CNTN5: variants seen among roughly 807,000 people sequenced by gnomAD.
CNTN5 encodes the protein contactin 5.
CNTN5 carries 77 observed loss-of-function variants against 129.1 expected under a neutral mutation model. The observed-to-expected ratio is 0.60, with a 90% CI of 0.50 to 0.72. The LOEUF is 0.72. Among genes scored for constraint, CNTN5 ranks in the 30% least tolerant of loss-of-function variants. The probability of loss-of-function intolerance (pLI) is 0.00; values close to 1 mark genes in which losing one functional copy is unlikely to be tolerated. For synonymous variants in CNTN5, 509 were observed against 465.6 expected (o/e 1.09, Z -1.20); for missense variants, 1,478 against 1,328.8 (o/e 1.11, Z -1.75).
intron 6 of CNTN5, among the ~76,000 whole-genome samples, chr11:99,864,375 A>G (rs1948298696): frequency 6.6e-6 from 1 of 151,018 alleles, no homozygotes; most frequent in South Asian, 2.1e-4. Flanking sequence ...CCTGCCACTC[A>G]CTCTCTGCTA....
At chr11:99,370,406 T>G (rs749275372) in intron 2 of CNTN5, among the ~76,000 whole-genome samples, 1 of 152,206 alleles carries the variant, frequency 6.6e-6, no homozygotes, top group East Asian at 1.9e-4. Context: ...ATTGCTGAAA[T>G]TATTCACATA....
chr11:100,292,794 G>A (rs1028788383), intron 18 of CNTN5, among the ~76,000 whole-genome samples: 3 of 151,934 alleles, frequency 2.0e-5, no homozygotes, highest in Admixed American at 6.6e-5. Flanking sequence ...TCCCTAATTC[G>A]TAGCGAGACT....
At chr11:100,193,774 G>A (rs1268947357) in intron 15 of CNTN5, 111 bp downstream of exon 15, 9 of 803,666 alleles carry the variant, frequency 1.1e-5, no homozygotes, top group South Asian at 5.6e-5. Context: ...ACAGAACATC[G>A]ACTTGATAAA....
chr11:99,409,585 A>G (rs550532541), intron 2 of CNTN5, among the ~76,000 whole-genome samples: 1 of 152,380 alleles, frequency 6.6e-6, no homozygotes, highest in Non-Finnish European at 1.5e-5. Context: ...TCATGAATTA[A>G]TACGTTGGTG....
At chr11:99,491,693 A>T (rs1021586038) in intron 2 of CNTN5, among the ~76,000 whole-genome samples, 1 of 152,182 alleles carries the variant, frequency 6.6e-6, no homozygotes, top group Non-Finnish European at 1.5e-5. Flanking sequence ...AGGCTTTACC[A>T]GGCCAGTTAT....
chr11:99,488,045 A>G (rs1424479140), intron 2 of CNTN5, among the ~76,000 whole-genome samples: 2 of 152,098 alleles, frequency 1.3e-5, no homozygotes, highest in Non-Finnish European at 2.9e-5. Flanking sequence ...TATCATGAAC[A>G]ATTTCCAAAT....
At chr11:99,838,357 A>C (rs1947370650) in intron 4 of CNTN5, among the ~76,000 whole-genome samples, 1 of 151,736 alleles carries the variant, frequency 6.6e-6, no homozygotes, top group Non-Finnish European at 1.5e-5. Flanking sequence ...CTCCAGTATC[A>C]CTCTTTGTAA....
At chr11:100,228,486 C>G (rs997749684) in intron 16 of CNTN5, among the ~76,000 whole-genome samples, 1 of 152,192 alleles carries the variant, frequency 6.6e-6, no homozygotes, top group African/African-American at 2.4e-5. Flanking sequence ...CCAATCAATT[C>G]AGTTCCATTT....
intron 13 of CNTN5, among the ~76,000 whole-genome samples, chr11:100,083,246 G>A (rs1162754377): frequency 1.3e-5 from 2 of 151,602 alleles, no homozygotes; most frequent in African/African-American, 4.8e-5. Context: ...GAACCCAGGA[G>A]GCAGAGGTTG....
chr11:100,154,345 TATCA>T (rs112886403), intron 13 of CNTN5, among the ~76,000 whole-genome samples: 93,460 of 151,350 alleles, frequency 0.62, 29,826 homozygotes, highest in African/African-American at 0.78. Flanking sequence ...TTATCCAGTC[TATCA>T]ATCATTGATG....
chr11:99,971,553 A>G (rs907581702), intron 8 of CNTN5, among the ~76,000 whole-genome samples: 2 of 151,594 alleles, frequency 1.3e-5, no homozygotes, highest in African/African-American at 4.9e-5. Context: ...CACATTAAAA[A>G]CAAAAAACAA....
chr11:99,372,106 G>T (rs1198458437), intron 2 of CNTN5, among the ~76,000 whole-genome samples: 2 of 152,204 alleles, frequency 1.3e-5, no homozygotes, highest in Non-Finnish European at 2.9e-5. Context: ...AGCCTTCCAT[G>T]CTTATGAAAA....
At chr11:100,109,858 T>C (rs1945585899) in intron 13 of CNTN5, among the ~76,000 whole-genome samples, 1 of 152,176 alleles carries the variant, frequency 6.6e-6, no homozygotes, top group Admixed American at 6.5e-5. Flanking sequence ...AGCTCACTCA[T>C]TTCTACATTC....
intron 1 of CNTN5, among the ~76,000 whole-genome samples, chr11:99,237,514 C>G (rs1358657076): frequency 6.6e-6 from 1 of 152,068 alleles, no homozygotes; most frequent in African/African-American, 2.4e-5. Flanking sequence ...AACCCTGTCT[C>G]TACTAAAATA....
chr11:99,515,961 A>AC (rs1565250368), intron 2 of CNTN5, among the ~76,000 whole-genome samples: 1 of 131,174 alleles, frequency 7.6e-6, no homozygotes. Context: ...AAAAAAAAAA[A>AC]CAAAATCATA....
chr11:99,835,866 A>T (rs1484057668), intron 4 of CNTN5, among the ~76,000 whole-genome samples: 3 of 152,150 alleles, frequency 2.0e-5, no homozygotes, highest in African/African-American at 7.2e-5. Context: ...TGAACTAGAG[A>T]AGATGGTTTA....
At chr11:99,597,130 T>C (rs917430463) in intron 3 of CNTN5, among the ~76,000 whole-genome samples, 5 of 152,154 alleles carry the variant, frequency 3.3e-5, no homozygotes, top group Admixed American at 2.6e-4. Flanking sequence ...CTCCTACTGT[T>C]GTAAGAGGAT....
intron 1 of CNTN5, among the ~76,000 whole-genome samples, chr11:99,258,623 G>A (rs1343193879): frequency 1.3e-5 from 2 of 151,932 alleles, no homozygotes; most frequent in South Asian, 2.1e-4. Flanking sequence ...TTCAGCTTCA[G>A]AGATTTTAAC....
chr11:99,938,067 C>G (rs12279780), intron 7 of CNTN5, among the ~76,000 whole-genome samples: 11,915 of 152,168 alleles, frequency 0.078, 499 homozygotes, highest in Middle Eastern at 0.088. Flanking sequence ...TATATATTCT[C>G]TATTCTAAGA....
Sources: gnomAD v4.1 joint callset for allele counts (sites outside exome capture counted in the v4.1 genomes callset) on GRCh38, gnomAD v4.1.1 for gene constraint, MANE v1.5 for transcripts, NCBI Gene and HGNC (gene_info 2026-07-23, HGNC 2026-07-21) for gene names.